The following GLYAT variants were observed in gnomAD, a reference collection of about 807,000 sequenced individuals.
The protein encoded by GLYAT is glycine-N-acyltransferase.
In GLYAT, 25 loss-of-function variants were observed where a neutral mutation model predicts 22.8. The ratio of observed to expected loss-of-function variants is 1.09; its 90% confidence interval spans 0.80 to 1.53. The LOEUF (loss-of-function observed/expected upper bound fraction) is 1.53. GLYAT is among the 40% of genes most tolerant of loss of function. The pLI is 0.00. For missense variants in GLYAT, 411 were observed against 353.9 expected, an observed-to-expected ratio of 1.16 and a Z score of -1.29; for synonymous variants, 140 against 122.7, an observed-to-expected ratio of 1.14 and a Z score of -0.93.
rs768450733 is a variant in GLYAT at position 58,715,310 on chromosome 11, A to C, written c.189+6T>G. ...TATAGAAGAATATTCACACATGGAA[A>C]CTTACCTGCTCCTGAGGGCAGACAA... is the stretch of plus-strand genomic sequence containing the variant. On this transcript the variant is annotated splice_donor_region_variant and intron_variant, in intron 3 of 5. Coordinates refer to ENST00000344743, the MANE Select transcript of GLYAT (RefSeq NM_201648.3). The C allele has an allele frequency of 2.0e-5, 27 of 1,318,330 alleles. No homozygotes were observed. The South Asian group carries it at 3.0e-4, about 14-fold the overall frequency. The allele number at this position is 1,318,330 out of a possible 1,614,324, so 81.7% of individuals were successfully genotyped here. A position where few individuals can be genotyped will look rare whatever the true frequency, so the allele number is the denominator to read the frequency against.
intron 2 of GLYAT, among the ~76,000 whole-genome samples, chr11:58,723,222 C>T (rs114222027): frequency 2.8e-3 from 180 of 63,256 alleles, no homozygotes; most frequent in Admixed American, 5.8e-3. Flanking sequence ...ATTATACATA[C>T]AGTGTCTTAA....
chr11:58,722,616 G>A (rs1856763674), intron 2 of GLYAT, among the ~76,000 whole-genome samples: 1 of 152,076 alleles, frequency 6.6e-6, no homozygotes, highest in African/African-American at 2.4e-5. Flanking sequence ...AATCAGATAT[G>A]CATCTATCTT....
chr11:58,728,261 C>T (rs1304488687), intron 1 of GLYAT, among the ~76,000 whole-genome samples: 2 of 151,888 alleles, frequency 1.3e-5, no homozygotes, highest in Non-Finnish European at 2.9e-5. Flanking sequence ...TGGGGTTTCA[C>T]CATGTTTGTC....
intron 2 of GLYAT, chr11:58,724,112 A>AT (rs1856784808): frequency 8.4e-6 from 2 of 237,190 alleles, no homozygotes; most frequent in Non-Finnish European, 1.6e-5. Context: ...CAAGGAAGTA[A>AT]TTTTTTGAGT....
intron 3 of GLYAT, among the ~76,000 whole-genome samples, chr11:58,714,498 T>C (rs1856654743): frequency 6.6e-6 from 1 of 152,170 alleles, no homozygotes; most frequent in South Asian, 2.1e-4. Context: ...ATCATTATAG[T>C]TTTGCTTTTC....
chr11:58,716,849 G>A (rs1856687273), intron 2 of GLYAT, among the ~76,000 whole-genome samples: 1 of 152,064 alleles, frequency 6.6e-6, no homozygotes, highest in African/African-American at 2.4e-5. Flanking sequence ...CTACATTTTA[G>A]GGAGATATGA....
At chr11:58,710,839 C>T (rs1856607011) in intron 4 of GLYAT, 78 bp from the exon 5 acceptor site, 2 of 864,166 alleles carry the variant, frequency 2.3e-6, no homozygotes, top group South Asian at 1.5e-5. Context: ...TAAGAAGTGT[C>T]TGGGATTTAG....
chr11:58,712,823 T>A lies in GLYAT; in HGVS notation c.253A>T (p.Asn85Tyr), dbSNP rs756691557. The change falls in exon 4 of 6, where the codon AAC becomes TAC. Residue 85 changes from asparagine to tyrosine, a missense_variant. Physicochemically the swap from Asn to Tyr is moderately radical, Grantham distance 143 (BLOSUM62 -2). Transcript: ENST00000344743. ...GGTGATCCAAGGAATTCCTGACAGT[T>A]TTGGGGATCTTTGGAGTAGATTTGG... is the stretch of plus-strand genomic sequence containing the variant. ...TYQIYSKDPQ[N>Y]CQEFLGSPEL... 4 of 1,609,002 alleles carry A rather than the reference T, an allele frequency of 2.5e-6. No homozygotes were observed. The Admixed American group carries it at 6.7e-5, about 27-fold the overall frequency.
At chr11:58,714,834 T>C (rs1366062398) in intron 3 of GLYAT, among the ~76,000 whole-genome samples, 1 of 152,176 alleles carries the variant, frequency 6.6e-6, no homozygotes, top group Non-Finnish European at 1.5e-5. Context: ...CTTGATAAAT[T>C]ACCCTGTCTC....
intron 1 of GLYAT, among the ~76,000 whole-genome samples, chr11:58,730,934 T>C (rs1014696066): frequency 6.6e-6 from 1 of 152,050 alleles, no homozygotes; most frequent in African/African-American, 2.4e-5. Flanking sequence ...ACATAATATA[T>C]AATATGTATA....
At position 58,709,631 on chromosome 11, in the gene GLYAT, A is replaced by T. The variant is rs1856583939; in HGVS notation, c.*135T>A. ...CCATGGCGATGCTGTTGAACATCAC[A>T]CTGCTTCCCCAGAGTCCAAACAGTG... is the stretch of plus-strand genomic sequence containing the variant. On this transcript the variant is annotated 3_prime_UTR_variant, in exon 6 of 6. Transcript: ENST00000344743. The T allele has an allele frequency of 3.3e-6, 3 of 898,276 alleles. No homozygotes were observed. The South Asian group carries it at 5.5e-5, about 16-fold the overall frequency. 55.6% of individuals were successfully genotyped at this position (898,276 alleles called of 1,614,324 possible). A position where few individuals can be genotyped will look rare whatever the true frequency, so the allele number is the denominator to read the frequency against.
At position 58,710,015 on chromosome 11, in the gene GLYAT, C is replaced by T. The variant is rs1361900668; in HGVS notation, c.642G>A (p.Gly214=). 1.2e-6 allele frequency: 2 copies of T among 1,614,108 alleles called. No homozygotes were observed. The highest frequency in any genetic ancestry group is 1.7e-6 in the Non-Finnish European group (2 of 1,179,980). ...CCATTAGATCCCAGCACACAGGGGT[C>T]CCCTCAGGCCCCAGGAGACAGCAGG... The part of the protein sequence containing the change: ...FPTCCLLGPE[G]TPVCWDLMDQ... The change falls in exon 6 of 6, where the codon GGG becomes GGA. Residue 214 remains glycine, a synonymous_variant. Transcript: ENST00000344743.
At chr11:58,724,759 C>T (rs527797026) in intron 1 of GLYAT, among the ~76,000 whole-genome samples, 1 of 152,146 alleles carries the variant, frequency 6.6e-6, no homozygotes, top group Middle Eastern at 3.4e-3. Context: ...TTAAAAAGTA[C>T]ATTTTTAAAT....
chr11:58,711,129 A>G (rs1249150113), intron 4 of GLYAT, among the ~76,000 whole-genome samples: 1 of 152,256 alleles, frequency 6.6e-6, no homozygotes, highest in Non-Finnish European at 1.5e-5. Flanking sequence ...CCAAGCAAGC[A>G]TTAGGCCATA....
Position 58,709,563 on chromosome 11 carries a change from GACC to G in GLYAT, c.*200_*202del. 1.9e-6 allele frequency: 1 copy of G among 522,654 alleles called. No individual in the cohort carries two copies. The highest frequency in any genetic ancestry group is 3.3e-6 in the Non-Finnish European group (1 of 299,572). The allele number at this position is 522,654 out of a possible 1,614,324, so 32.4% of individuals were successfully genotyped here. On this transcript the variant is annotated 3_prime_UTR_variant, in exon 6 of 6. Transcript: ENST00000344743. ...AAATTGCTTATGTCAAATGTAAGAG[GACC>G]TGGGCCTGCTTCCCACTGAGAAACC...
chr11:58,717,352 CA>C (rs1856694732), intron 2 of GLYAT, among the ~76,000 whole-genome samples: 1 of 151,936 alleles, frequency 6.6e-6, no homozygotes, highest in Non-Finnish European at 1.5e-5. Flanking sequence ...AAAACAACAA[CA>C]AACAAAAGAA....
At chr11:58,729,417 T>TA (rs1856848992) in intron 1 of GLYAT, among the ~76,000 whole-genome samples, 1 of 152,206 alleles carries the variant, frequency 6.6e-6, no homozygotes, top group African/African-American at 2.4e-5. Context: ...TTTCAATTGA[T>TA]AAATATCGTA....
chr11:58,710,218 A>G (rs1253925509), intron 5 of GLYAT, 50 bp from the exon 6 acceptor site: 4 of 1,549,054 alleles, frequency 2.6e-6, no homozygotes, highest in Non-Finnish European at 3.5e-6. Flanking sequence ...AAAGGTTTGT[A>G]TTTGCTGTGA....
At chr11:58,721,650 A>T (rs1167367755) in intron 2 of GLYAT, among the ~76,000 whole-genome samples, 1 of 151,988 alleles carries the variant, frequency 6.6e-6, no homozygotes, top group African/African-American at 2.4e-5. Context: ...GAGCTCCTTA[A>T]TTTTTTTAAA....
Sources: gnomAD v4.1 joint callset for allele counts (sites outside exome capture counted in the v4.1 genomes callset) on GRCh38, gnomAD v4.1.1 for gene constraint, MANE v1.5 for transcripts, NCBI Gene and HGNC (gene_info 2026-07-23, HGNC 2026-07-21) for gene names.